Variants in ERP44 observed in about 807,000 individuals in gnomAD.
The protein encoded by ERP44 is endoplasmic reticulum protein 44.
Under a neutral mutation model 53.4 loss-of-function variants are expected in ERP44, and 25 were observed. The observed-to-expected ratio is 0.47, with a 90% CI of 0.34 to 0.65. The LOEUF is 0.65. Ranked by LOEUF, ERP44 falls within the 30% of genes least tolerant of loss-of-function variation. The pLI is 0.01. For synonymous variants in ERP44, 145 were observed against 161.2 expected (o/e 0.90, Z 0.76); for missense variants, 338 against 493.2 (o/e 0.69, Z 2.98).
chr9:100,056,459 A>G (rs1380948461), intron 3 of ERP44, among the ~76,000 whole-genome samples: 1 of 152,230 alleles, frequency 6.6e-6, no homozygotes, highest in Non-Finnish European at 1.5e-5. Context: ...TAAAGTTGAA[A>G]ATAAAACTAT....
chr9:100,036,862 G>C (rs193166594), intron 4 of ERP44, among the ~76,000 whole-genome samples: 41 of 152,138 alleles, frequency 2.7e-4, no homozygotes, highest in Admixed American at 9.2e-4. Context: ...AGGGGTAGTG[G>C]GGAGGGGAGG....
chr9:100,044,875 CTATT>C (rs1488682816), intron 4 of ERP44, among the ~76,000 whole-genome samples: 16 of 152,102 alleles, frequency 1.1e-4, no homozygotes, highest in Admixed American at 5.9e-4. Flanking sequence ...CCATTATAGA[CTATT>C]TAAACAGACT....
At chr9:99,984,368 T>C (rs1005143909) in intron 11 of ERP44, among the ~76,000 whole-genome samples, 1 of 152,042 alleles carries the variant, frequency 6.6e-6, no homozygotes, top group African/African-American at 2.4e-5. Flanking sequence ...ACATAGAAAT[T>C]ACTTGTAACA....
intron 10 of ERP44, among the ~76,000 whole-genome samples, chr9:100,000,216 C>G (rs1830362069): frequency 6.6e-6 from 1 of 151,944 alleles, no homozygotes; most frequent in Admixed American, 6.6e-5. Context: ...AGGATCACTT[C>G]AGGCCAGGCC....
chr9:100,081,190 A>C (rs1287766820), intron 1 of ERP44, among the ~76,000 whole-genome samples: 1 of 152,120 alleles, frequency 6.6e-6, no homozygotes, highest in Non-Finnish European at 1.5e-5. Context: ...TATACCTATA[A>C]AAGATAGTAA....
At chr9:100,091,525 GACA>G (rs1435018782) in intron 1 of ERP44, among the ~76,000 whole-genome samples, 6 of 152,112 alleles carry the variant, frequency 3.9e-5, no homozygotes, top group Non-Finnish European at 8.8e-5. Flanking sequence ...CAGCCAACCA[GACA>G]ACAAGATTTC....
intron 1 of ERP44, among the ~76,000 whole-genome samples, chr9:100,065,398 A>G (rs1826199403): frequency 6.6e-6 from 1 of 152,146 alleles, no homozygotes; most frequent in South Asian, 2.1e-4. Context: ...CTAATGACAC[A>G]TTTCTCAGAA....
At chr9:100,079,420 AC>A (rs1826396256) in intron 1 of ERP44, among the ~76,000 whole-genome samples, 1 of 93,024 alleles carries the variant, frequency 1.1e-5, no homozygotes, top group Admixed American at 9.0e-5. Context: ...CTTTACACAC[AC>A]ACACACACAC....
intron 8 of ERP44, among the ~76,000 whole-genome samples, 174 bp downstream of exon 8, chr9:100,016,148 A>T (rs1830523045): frequency 6.6e-6 from 1 of 152,206 alleles, no homozygotes; most frequent in African/African-American, 2.4e-5. Context: ...GGGTTCTGGG[A>T]TAGCAAAGGT....
intron 10 of ERP44, 107 bp from the exon 11 acceptor site, chr9:99,985,176 C>A: frequency 1.5e-6 from 1 of 670,628 alleles, no homozygotes; most frequent in Non-Finnish European, 2.6e-6. Flanking sequence ...TCCCACCATC[C>A]TACCACAACT....
At chr9:100,043,061 C>A (rs1187941036) in intron 4 of ERP44, among the ~76,000 whole-genome samples, 2 of 151,202 alleles carry the variant, frequency 1.3e-5, no homozygotes, top group Admixed American at 1.3e-4. Context: ...AAATCGAGAC[C>A]ATCCTGGCTA....
intron 2 of ERP44, 132 bp downstream of exon 2, chr9:100,059,968 T>G (rs964256112): frequency 1.6e-5 from 12 of 749,010 alleles, no homozygotes; most frequent in Middle Eastern, 4.6e-4. Flanking sequence ...CAGAAAGTCA[T>G]GGAATTAATC....
chr9:100,057,812 T>C lies in ERP44; in HGVS notation c.170+8A>G. On this transcript the variant is annotated splice_region_variant and intron_variant, in intron 3 of 11. Transcript: ENST00000262455. Reference sequence around the variant, plus strand: ...ACAAAACCAAACCCAAACAATAAGATTACTTACCAGTCAGCATAAAAATTT... The same window carrying C: ...ACAAAACCAAACCCAAACAATAAGACTACTTACCAGTCAGCATAAAAATTT... The C allele has an allele frequency of 6.2e-7, 1 of 1,603,016 alleles. No homozygotes were observed. Among genetic ancestry groups the C allele is most frequent in the Non-Finnish European group, 8.5e-7 (1 of 1,173,638 alleles).
intron 8 of ERP44, among the ~76,000 whole-genome samples, chr9:100,013,765 C>T (rs962465497): frequency 2.0e-4 from 30 of 152,110 alleles, no homozygotes; most frequent in Non-Finnish European, 8.8e-5. Flanking sequence ...TATATATGCC[C>T]TATGACTCAG....
chr9:100,048,134 C>T (rs1389205903), intron 4 of ERP44, among the ~76,000 whole-genome samples: 2 of 151,834 alleles, frequency 1.3e-5, no homozygotes, highest in Non-Finnish European at 2.9e-5. Context: ...CCCAGCTACT[C>T]AGGAGGCTGA....
intron 10 of ERP44, chr9:99,998,937 A>C: frequency 6.3e-7 from 1 of 1,593,052 alleles, no homozygotes; most frequent in Non-Finnish European, 8.6e-7. Flanking sequence ...CTCTTCCTCC[A>C]CACAGTAGGT....
chr9:100,006,147 TTA>T (rs1830423330), intron 10 of ERP44, among the ~76,000 whole-genome samples: 1 of 152,202 alleles, frequency 6.6e-6, no homozygotes. Flanking sequence ...TGGCCTAAGG[TTA>T]TAAGCTATTT....
intron 2 of ERP44, among the ~76,000 whole-genome samples, chr9:100,059,062 G>A (rs1485727252): frequency 6.6e-6 from 1 of 152,092 alleles, no homozygotes; most frequent in East Asian, 1.9e-4. Context: ...TGTTCCAGGT[G>A]GTTCTGATAC....
At chr9:100,002,369 C>T (rs796982768) in intron 10 of ERP44, among the ~76,000 whole-genome samples, 40 of 152,208 alleles carry the variant, frequency 2.6e-4, no homozygotes, top group Admixed American at 5.2e-4. Context: ...TATACTTTCA[C>T]GTTTTCATGT....
Sources: allele counts gnomAD v4.1 joint callset (sites outside exome capture counted in the v4.1 genomes callset), GRCh38; gene constraint gnomAD v4.1.1; transcripts MANE v1.5; gene names NCBI Gene and HGNC (gene_info 2026-07-23, HGNC 2026-07-21).